SPAG16: variants seen among roughly 807,000 people sequenced by gnomAD.
SPAG16 encodes the protein sperm associated antigen 16, also known as sperm-associated antigen 16 protein.
SPAG16 carries 86 observed loss-of-function variants against 80.4 expected under a neutral mutation model. The observed-to-expected ratio is 1.07, with a 90% CI of 0.90 to 1.28. The LOEUF is 1.28. Ranked by LOEUF, SPAG16 falls within the 50% of genes most tolerant of loss-of-function variation. The probability of loss-of-function intolerance (pLI) is 0.00; values close to 1 mark genes in which losing one functional copy is unlikely to be tolerated. For synonymous variants in SPAG16, 294 were observed against 265.9 expected (o/e 1.11, Z -1.03); for missense variants, 870 against 765.3 (o/e 1.14, Z -1.61).
At chr2:213,380,716 G>A (rs150209572) in intron 9 of SPAG16, among the ~76,000 whole-genome samples, 2,071 of 152,286 alleles carry the variant, frequency 0.014, 23 homozygotes, top group Middle Eastern at 0.024. Flanking sequence ...GCAGAAGATG[G>A]CAGGGCCTTG....
chr2:213,705,234 C>T (rs2065688930), intron 10 of SPAG16, among the ~76,000 whole-genome samples: 1 of 148,940 alleles, frequency 6.7e-6, no homozygotes. Flanking sequence ...GGCAACAGAG[C>T]AAGACTCTGT....
At chr2:214,056,280 TACACACACAC>T (rs60247479) in intron 13 of SPAG16, among the ~76,000 whole-genome samples, 44 of 144,664 alleles carry the variant, frequency 3.0e-4, no homozygotes, top group South Asian at 2.7e-3. Context: ...GTAGTAGAAA[TACACACACAC>T]ACACACACAC....
intron 11 of SPAG16, among the ~76,000 whole-genome samples, chr2:213,900,730 A>G (rs1039481587): frequency 6.6e-6 from 1 of 152,110 alleles, no homozygotes; most frequent in Non-Finnish European, 1.5e-5. Context: ...CACATCCTGG[A>G]CATTCATCAT....
chr2:213,354,505 A>T (rs2065518269), intron 7 of SPAG16, among the ~76,000 whole-genome samples: 1 of 152,234 alleles, frequency 6.6e-6, no homozygotes, highest in African/African-American at 2.4e-5. Context: ...TCCCACCAAC[A>T]GTGTAAAATC....
chr2:213,564,136 C>G (rs972361267), intron 10 of SPAG16, among the ~76,000 whole-genome samples: 2 of 152,076 alleles, frequency 1.3e-5, no homozygotes, highest in Non-Finnish European at 2.9e-5. Flanking sequence ...TGATGTAGGT[C>G]TTTTGCTCTT....
intron 12 of SPAG16, among the ~76,000 whole-genome samples, chr2:213,946,348 C>T (rs1332939915): frequency 3.9e-5 from 6 of 152,152 alleles, no homozygotes; most frequent in East Asian, 1.9e-4. Context: ...CTCCTGACCT[C>T]GAGATCTACC....
In SPAG16 at chr2:214,396,005, CT is replaced by C. The variant is rs1320680527; in HGVS notation, c.1721-14132del. On this transcript the variant is annotated intron_variant, in intron 15 of 15. Coordinates refer to ENST00000331683, the MANE Select transcript of SPAG16 (RefSeq NM_024532.5). ...GCAATGAACACACGTGTGCATGTGT[CT>C]TTATGGTAGAGTGATGAATATTCTT... is the stretch of plus-strand genomic sequence containing the variant. Among the ~76,000 whole-genome samples, 4 of 152,076 alleles carry C rather than the reference CT, an allele frequency of 2.6e-5. 1 individual carries two copies. Among genetic ancestry groups the C allele is most frequent in the Non-Finnish European group, 2.9e-5 (2 of 68,006 alleles).
intron 15 of SPAG16, among the ~76,000 whole-genome samples, chr2:214,226,845 C>A (rs2125789607): frequency 6.6e-6 from 1 of 152,152 alleles, no homozygotes; most frequent in South Asian, 2.1e-4. Flanking sequence ...TACTTGATTT[C>A]TTCAAGTTTC....
chr2:213,900,911 T>C (rs1301104700), intron 11 of SPAG16, among the ~76,000 whole-genome samples: 1 of 152,184 alleles, frequency 6.6e-6, no homozygotes, highest in African/African-American at 2.4e-5. Context: ...TATATTAAAA[T>C]ACACATGAAA....
Position 213,401,229 on chromosome 2 carries a change from G to A in SPAG16, c.942+26110G>A, listed in dbSNP as rs568602113. Reference sequence around the variant, plus strand: ...ATGCTTGCACATTTAGGTTTGCTCTGTCTGCCATGGGCATGAAAAGAATGC... The same window carrying A: ...ATGCTTGCACATTTAGGTTTGCTCTATCTGCCATGGGCATGAAAAGAATGC... On this transcript the variant is annotated intron_variant, in intron 9 of 15. Transcript: ENST00000331683. Among the ~76,000 whole-genome samples, 6 of 152,324 alleles carry A rather than the reference G, an allele frequency of 3.9e-5. 1 individual carries two copies. The highest frequency in any genetic ancestry group is 2.0e-4 in the Admixed American group (3 of 15,294).
rs572741316 is a variant in SPAG16, at chr2:213,840,820, T to C, written c.1071-21665T>C. Among the ~76,000 whole-genome samples, 5 of 152,230 alleles carry C rather than the reference T, an allele frequency of 3.3e-5. No individual in the cohort carries two copies. The South Asian group carries it at 1.0e-3, about 32-fold the overall frequency. On this transcript the variant is annotated intron_variant, in intron 10 of 15. Coordinates refer to ENST00000331683, the MANE Select transcript of SPAG16 (RefSeq NM_024532.5). ...AGCAGAACAAGGAAGTGGAAAATTA[T>C]AGTGTGTGTTAGTGTCCTTGTTTGT...
chr2:214,078,414 G>T (rs1269303581), intron 13 of SPAG16, among the ~76,000 whole-genome samples: 1 of 151,448 alleles, frequency 6.6e-6, no homozygotes, highest in Non-Finnish European at 1.5e-5. Context: ...AAATTGGCTG[G>T]GCATGGTGGC....
intron 14 of SPAG16, among the ~76,000 whole-genome samples, chr2:214,111,484 G>C (rs1316662072): frequency 1.3e-5 from 2 of 152,068 alleles, no homozygotes; most frequent in Non-Finnish European, 2.9e-5. Context: ...TGTTCCATTG[G>C]TCTATATCTC....
chr2:213,949,339 T>C (rs2079631762), intron 12 of SPAG16, among the ~76,000 whole-genome samples: 2 of 151,874 alleles, frequency 1.3e-5, no homozygotes. Flanking sequence ...CAGCTAATTT[T>C]TGTATTTTTA....
At chr2:213,475,696 T>C (rs2073336018) in intron 9 of SPAG16, among the ~76,000 whole-genome samples, 1 of 152,188 alleles carries the variant, frequency 6.6e-6, no homozygotes. Context: ...GTTGTTGACT[T>C]CCTCTGGTTC....
intron 10 of SPAG16, among the ~76,000 whole-genome samples, chr2:213,498,175 T>C (rs1202894819): frequency 6.6e-6 from 1 of 152,132 alleles, no homozygotes. Context: ...GAGCAATCAG[T>C]AGTTTTGATT....
intron 10 of SPAG16, among the ~76,000 whole-genome samples, chr2:213,649,696 T>C (rs1036614085): frequency 1.3e-5 from 2 of 152,142 alleles, no homozygotes; most frequent in African/African-American, 4.8e-5. Context: ...TACCTCAGCC[T>C]CCTGAGTAGC....
chr2:213,945,282 AAC>A (rs748950713), intron 12 of SPAG16, among the ~76,000 whole-genome samples: 38 of 147,398 alleles, frequency 2.6e-4, no homozygotes, highest in African/African-American at 9.2e-4. Context: ...TATATACACA[AAC>A]ACACACATAT....
In SPAG16 at chr2:213,297,322, A is replaced by G. The variant is rs779960017; in HGVS notation, c.244A>G (p.Met82Val). 1.2e-6 allele frequency: 2 copies of G among 1,613,024 alleles called. No individual in the cohort carries two copies. Among genetic ancestry groups the G allele is most frequent in the South Asian group, 1.1e-5 (1 of 90,996 alleles). The change falls in exon 3 of 16, where the codon ATG (methionine) becomes GTG (valine). Residue 82 changes from methionine to valine, a missense_variant. Physicochemically the swap from Met to Val is conservative, Grantham distance 21. Transcript: ENST00000331683. ...AGAAGATCTGGCAAAAGCAATTCAG[A>G]TGGCCCAAGAACAGGCTACAGATAC... Reference protein sequence around the residue: ...GEEDLAKAIQMAQEQATDTEI... With the variant: ...GEEDLAKAIQVAQEQATDTEI...
Sources: gnomAD v4.1 joint callset for allele counts (sites outside exome capture counted in the v4.1 genomes callset) on GRCh38, gnomAD v4.1.1 for gene constraint, MANE v1.5 for transcripts, NCBI Gene and HGNC (gene_info 2026-07-23, HGNC 2026-07-21) for gene names.